The following ZFP82 variants were observed in gnomAD, a reference collection of about 807,000 sequenced individuals.
ZFP82 encodes the protein zinc finger protein 82 homolog.
A neutral mutation model predicts 54.0 loss-of-function variants in ZFP82; 30 were observed. That is an observed-to-expected ratio of 0.56 (90% CI 0.42 to 0.75). The LOEUF is 0.75. Among genes scored for constraint, ZFP82 ranks in the 30% least tolerant of loss-of-function variants. The pLI is 0.00. For synonymous variants in ZFP82, 194 were observed against 209.5 expected (o/e 0.93, Z 0.64); for missense variants, 500 against 636.8 (o/e 0.79, Z 2.31).
chr19:36,385,196 T>C (rs889131998), downstream of ZFP82, among the ~76,000 whole-genome samples: 1 of 152,180 alleles, frequency 6.6e-6, no homozygotes, highest in African/African-American at 2.4e-5. Context: ...GTGGGTTTCT[T>C]ATAAAAGGGT....
chr19:36,401,741 T>C (rs1420232459), intron 4 of ZFP82, among the ~76,000 whole-genome samples: 1 of 152,230 alleles, frequency 6.6e-6, no homozygotes, highest in African/African-American at 2.4e-5. Context: ...TGCCTAACTC[T>C]GATCTCAGCT....
intron 1 of ZFP82, among the ~76,000 whole-genome samples, chr19:36,412,433 C>T (rs2032597244): frequency 6.6e-6 from 1 of 152,150 alleles, no homozygotes; most frequent in Non-Finnish European, 1.5e-5. Flanking sequence ...ACTCAATATC[C>T]TACAAGCAGC....
intron 1 of ZFP82, among the ~76,000 whole-genome samples, chr19:36,416,718 T>C (rs959828090): frequency 2.8e-4 from 39 of 141,694 alleles, no homozygotes; most frequent in Non-Finnish European, 6.0e-5. Context: ...ATCACACCAT[T>C]GCACTCCAGC....
At chr19:36,405,355 T>C (rs1429979572) in intron 4 of ZFP82, among the ~76,000 whole-genome samples, 1 of 152,006 alleles carries the variant, frequency 6.6e-6, no homozygotes, top group East Asian at 1.9e-4. Flanking sequence ...ATGGGACAAA[T>C]AAGTGCTTCT....
At chr19:36,397,068 T>C (rs894041627) in intron 4 of ZFP82, among the ~76,000 whole-genome samples, 3 of 148,744 alleles carry the variant, frequency 2.0e-5, no homozygotes, top group African/African-American at 7.4e-5. Flanking sequence ...AATACAGAAA[T>C]AGAAGTAATA....
intron 4 of ZFP82, among the ~76,000 whole-genome samples, chr19:36,396,264 C>T (rs2032291662): frequency 6.6e-6 from 1 of 152,032 alleles, no homozygotes; most frequent in South Asian, 2.1e-4. Flanking sequence ...CACCTGTAAT[C>T]CCAGCACTTG....
At position 36,389,534 on chromosome 19, in the gene ZFP82, T is replaced by C. The variant is rs2032159605; in HGVS notation, c.*3207A>G. On this transcript the variant is annotated 3_prime_UTR_variant, in exon 5 of 5. Coordinates refer to ENST00000392161, the MANE Select transcript of ZFP82 (RefSeq NM_133466.4). ...TTAAAAGTAAATCACAGGCATAACATTTCAGCCTTAAATACCTCAGTATGA... is the reference window on the plus strand; with the variant it reads ...TTAAAAGTAAATCACAGGCATAACACTTCAGCCTTAAATACCTCAGTATGA... Among the ~76,000 whole-genome samples, 1 of 152,174 alleles carries C rather than the reference T, an allele frequency of 6.6e-6. No individual in the cohort carries two copies. The highest frequency in any genetic ancestry group is 1.5e-5 in the Non-Finnish European group (1 of 68,044).
At chr19:36,407,107 C>T (rs1238914031) in intron 3 of ZFP82, among the ~76,000 whole-genome samples, 1 of 131,156 alleles carries the variant, frequency 7.6e-6, no homozygotes, top group Non-Finnish European at 1.6e-5. Context: ...GACGGAGTCT[C>T]GCTCTGTCGC....
downstream of ZFP82, among the ~76,000 whole-genome samples, chr19:36,388,314 A>T (rs1311576500): frequency 2.6e-5 from 4 of 152,094 alleles, no homozygotes; most frequent in African/African-American, 9.7e-5. Context: ...ATCTAATTTT[A>T]TATTGGGATA....
At chr19:36,417,303 T>C (rs2032689986) in intron 1 of ZFP82, among the ~76,000 whole-genome samples, 1 of 152,134 alleles carries the variant, frequency 6.6e-6, no homozygotes, top group Non-Finnish European at 1.5e-5. Context: ...CTAAGAACTT[T>C]ACACATAGTA....
chr19:36,394,227 GT>G, intron 4 of ZFP82, 117 bp from the exon 5 acceptor site: 1 of 958,932 alleles, frequency 1.0e-6, no homozygotes, highest in Non-Finnish European at 1.5e-6. Flanking sequence ...CTAAAATATT[GT>G]TATACAATTT....
Position 36,391,375 on chromosome 19 carries a change from T to C in ZFP82, c.*1366A>G, listed in dbSNP as rs2032196768. ...ACAATGAAGTAGTTTAAAAAATTAA[T>C]GGGGCTTCATAATACAGGTGACTTT... On this transcript the variant is annotated 3_prime_UTR_variant, in exon 5 of 5. Transcript: ENST00000392161. 1 of 152,074 alleles carries C rather than the reference T, an allele frequency of 6.6e-6. No individual in the cohort carries two copies. The highest frequency in any genetic ancestry group is 1.9e-4 in the East Asian group (1 of 5,188). 9.4% of individuals were successfully genotyped at this position (152,074 alleles called of 1,614,324 possible).
In ZFP82 at chr19:36,391,487, TGA is replaced by T. The variant is rs2032198908; in HGVS notation, c.*1252_*1253del. 3 of 150,834 alleles carry T rather than the reference TGA, an allele frequency of 2.0e-5. No homozygotes were observed. Among genetic ancestry groups the T allele is most frequent in the African/African-American group, 4.9e-5 (2 of 41,172 alleles). The allele number at this position is 150,834 out of a possible 1,614,324, so 9.3% of individuals were successfully genotyped here. A position where few individuals can be genotyped will look rare whatever the true frequency, so the allele number is the denominator to read the frequency against. ...ACTGATTGTAGTTTTTTTTTTTTTT[TGA>T]GACAGGGTCTTGCAGTCACTCAAGC... is the stretch of plus-strand genomic sequence containing the variant. On this transcript the variant is annotated 3_prime_UTR_variant, in exon 5 of 5. Transcript: ENST00000392161.
intron 4 of ZFP82, among the ~76,000 whole-genome samples, chr19:36,402,483 A>AAAAAAAAAAAAAAAAAAAC (rs1293085221): frequency 6.6e-6 from 1 of 151,014 alleles, no homozygotes; most frequent in African/African-American, 2.4e-5. Flanking sequence ...AAAAAAAAAA[A>AAAAAAAAAAAAAAAAAAAC]AAAAGATTAG....
At chr19:36,397,879 C>A (rs1346344102) in intron 4 of ZFP82, among the ~76,000 whole-genome samples, 1 of 152,144 alleles carries the variant, frequency 6.6e-6, no homozygotes, top group Non-Finnish European at 1.5e-5. Flanking sequence ...AGCAACCATA[C>A]CCAGCCTAAA....
At chr19:36,386,372 G>A (rs1319098949), downstream of ZFP82, among the ~76,000 whole-genome samples, 1 of 152,240 alleles carries the variant, frequency 6.6e-6, no homozygotes. Flanking sequence ...GATTTCAAAG[G>A]ATGCCTTGGG....
chr19:36,407,278 G>A lies in ZFP82; in HGVS notation c.136+609C>T, dbSNP rs1018666720. On this transcript the variant is annotated intron_variant, in intron 3 of 4. Coordinates refer to ENST00000392161, the MANE Select transcript of ZFP82 (RefSeq NM_133466.4). The stretch of plus-strand genomic sequence containing the variant: ...TTTTTAGTAGAGACGGGGTTTCACC[G>A]TTTTAGCCGGGATGGTCTCGATCTC... Among the ~76,000 whole-genome samples, 320 of 151,228 alleles carry A rather than the reference G, an allele frequency of 2.1e-3. 1 individual carries two copies. Among genetic ancestry groups the A allele is most frequent in the African/African-American group, 7.4e-3 (306 of 41,274 alleles).
Position 36,409,675 on chromosome 19 carries a change from G to A in ZFP82, c.9+106C>T, listed in dbSNP as rs1320225931. The A allele has an allele frequency of 7.4e-6, 9 of 1,223,416 alleles. No individual in the cohort carries two copies. The Admixed American group carries it at 1.4e-4, about 19-fold the overall frequency. The allele number at this position is 1,223,416 out of a possible 1,614,324, so 75.8% of individuals were successfully genotyped here. ...CCCGCCACTGGATTTGGAAGAACTG[G>A]AAGAAGGTTCTTGGATGGAGCTCTG... On this transcript the variant is annotated intron_variant, in intron 2 of 4. Transcript: ENST00000392161.
chr19:36,417,072 CAAAAAAAAAAAAAAA>C (rs140495874), intron 1 of ZFP82, among the ~76,000 whole-genome samples: 7 of 65,646 alleles, frequency 1.1e-4, no homozygotes, highest in African/African-American at 3.6e-4. Context: ...GACCCTGTCT[CAAAAAAAAAAAAAAA>C]AAAAAAAAAA....
Sources: allele counts gnomAD v4.1 joint callset (sites outside exome capture counted in the v4.1 genomes callset), GRCh38; gene constraint gnomAD v4.1.1; transcripts MANE v1.5; gene names NCBI Gene and HGNC (gene_info 2026-07-23, HGNC 2026-07-21).